The following COL12A1 variants were observed in gnomAD, a reference collection of about 807,000 sequenced individuals.
COL12A1 encodes collagen type XII alpha 1 chain.
Under a neutral mutation model 349.7 loss-of-function variants are expected in COL12A1, and 114 were observed. That is an observed-to-expected ratio of 0.33 (90% CI 0.28 to 0.38). The LOEUF is 0.38. Among genes scored for constraint, COL12A1 ranks in the 10% least tolerant of loss-of-function variants. COL12A1 has a pLI of 1.00. For missense variants in COL12A1, 3,284 were observed against 3,756.9 expected, an observed-to-expected ratio of 0.87 and a Z score of 3.29; for synonymous variants, 1,369 against 1,329.0, an observed-to-expected ratio of 1.03 and a Z score of -0.66.
At chr6:75,139,712 T>A (rs1240735200) in intron 27 of COL12A1, among the ~76,000 whole-genome samples, 2 of 152,152 alleles carry the variant, frequency 1.3e-5, no homozygotes, top group Non-Finnish European at 2.9e-5. Flanking sequence ...TTCCTATAGA[T>A]CACTAACCTT....
rs76140980 is a variant in COL12A1 at position 75,148,670 on chromosome 6, G to A, written c.4148-173C>T. Among the ~76,000 whole-genome samples, 6,046 of 152,174 alleles carry A rather than the reference G, an allele frequency of 0.04. 284 individuals are homozygous for A. The highest frequency in any genetic ancestry group is 0.11 in the African/African-American group (4,429 of 41,504). ...TTAGAGGCTCATCACCTGTAAGACCGTTATGAATAGGTAACTAAAAGGTTT... is the reference window on the plus strand; with the variant it reads ...TTAGAGGCTCATCACCTGTAAGACCATTATGAATAGGTAACTAAAAGGTTT... On this transcript the variant is annotated intron_variant, in intron 21 of 65. Coordinates refer to ENST00000322507, the MANE Select transcript of COL12A1 (RefSeq NM_004370.6).
chr6:75,102,803 T>C, intron 55 of COL12A1, 111 bp from the exon 56 acceptor site: 1 of 540,440 alleles, frequency 1.9e-6, no homozygotes, highest in South Asian at 8.9e-5. Context: ...ATATAATCTT[T>C]GTAAACTTTT....
intron 9 of COL12A1, 65 bp from the exon 10 acceptor site, chr6:75,183,717 G>T: frequency 6.5e-7 from 1 of 1,529,128 alleles, no homozygotes; most frequent in Non-Finnish European, 8.7e-7. Flanking sequence ...TACATATCTA[G>T]CTTTCTTAGT....
rs1582068338 is a variant in COL12A1, at chr6:75,112,856, T to C, written c.7950+348A>G. On this transcript the variant is annotated intron_variant, in intron 51 of 65. Transcript: ENST00000322507. ...TAAAAAGCAAGCAGAAGAAATATTA[T>C]CAATTAAAACATAATCCACTAAAAT... Among the ~76,000 whole-genome samples the C allele has an allele frequency of 5.3e-5, 8 of 151,690 alleles. 1 individual carries two copies. The highest frequency in any genetic ancestry group is 5.3e-4 in the Admixed American group (8 of 15,204).
chr6:75,178,959 C>A (rs1372173765), intron 11 of COL12A1, among the ~76,000 whole-genome samples: 3 of 152,120 alleles, frequency 2.0e-5, no homozygotes, highest in Admixed American at 6.5e-5. Flanking sequence ...AACAAATCAG[C>A]AGATAGACTG....
intron 34 of COL12A1, 128 bp downstream of exon 34, chr6:75,133,165 G>T: frequency 2.5e-6 from 2 of 796,174 alleles, no homozygotes; most frequent in Non-Finnish European, 3.7e-6. Flanking sequence ...GGTAAACTAT[G>T]GCTAATTTTT....
chr6:75,094,183 C>T (rs1162797340), intron 60 of COL12A1, among the ~76,000 whole-genome samples: 3 of 152,044 alleles, frequency 2.0e-5, no homozygotes, highest in African/African-American at 7.2e-5. Flanking sequence ...CATAAATGTC[C>T]AATTCTAAGT....
In COL12A1 at chr6:75,191,625, A is replaced by T. The variant is rs1487947108; in HGVS notation, c.394+76T>A. On this transcript the variant is annotated intron_variant, in intron 5 of 65. Transcript: ENST00000322507. ...ATAGGAATAAGATCAATCTATGTAT[A>T]TAATTGGAACATCTGTTCTATCCTA... is the stretch of plus-strand genomic sequence containing the variant. The T allele has an allele frequency of 3.2e-6, 3 of 937,590 alleles. No homozygotes were observed. The Admixed American group carries it at 7.5e-5, about 23-fold the overall frequency. 58.1% of individuals were successfully genotyped at this position (937,590 alleles called of 1,614,324 possible).
In COL12A1 at chr6:75,138,565, C is replaced by G. The variant is rs1387167054; in HGVS notation, c.5113G>C (p.Asp1705His). The change falls in exon 29 of 66, where the codon GAT becomes CAT. Residue 1705 changes from aspartate to histidine, a missense_variant. This residue lies in a region of COL12A1 where 2,601 missense variants were observed against 2,824.8 expected (regional missense o/e 0.92). Coordinates refer to ENST00000322507, the MANE Select transcript of COL12A1 (RefSeq NM_004370.6). ...TTTTCGAACACCAAAGTGTTTTCAT[C>G]TCCATTTAAGATGGTCTTGGAGAAA... Reference protein sequence around the residue: ...SDKMETILNGDENTLVFENLN... With the variant: ...SDKMETILNGHENTLVFENLN... 1 of 1,613,722 alleles carries G rather than the reference C, an allele frequency of 6.2e-7. No individual in the cohort carries two copies. Among genetic ancestry groups the G allele is most frequent in the Non-Finnish European group, 8.5e-7 (1 of 1,179,858 alleles).
At chr6:75,145,601 CTGA>C (rs1767137343) in intron 24 of COL12A1, 146 bp from the exon 25 acceptor site, 3 of 659,650 alleles carry the variant, frequency 4.5e-6, no homozygotes, top group South Asian at 9.7e-5. Flanking sequence ...CTTTTCCATG[CTGA>C]TGTTTTCTTT....
intron 21 of COL12A1, among the ~76,000 whole-genome samples, chr6:75,150,138 C>A (rs904350194): frequency 6.6e-6 from 1 of 152,076 alleles, no homozygotes; most frequent in African/African-American, 2.4e-5. Context: ...TTTTCCAAAA[C>A]CAAATTAAAT....
At chr6:75,202,045 T>G (rs1770555131) in intron 2 of COL12A1, among the ~76,000 whole-genome samples, 1 of 152,164 alleles carries the variant, frequency 6.6e-6, no homozygotes, top group Non-Finnish European at 1.5e-5. Context: ...TCAACCTGTC[T>G]GAGCTGGACC....
At chr6:75,176,217 G>C (rs1001274489) in intron 12 of COL12A1, among the ~76,000 whole-genome samples, 3 of 152,172 alleles carry the variant, frequency 2.0e-5, no homozygotes, top group Non-Finnish European at 4.4e-5. Flanking sequence ...ACAGTGAAAG[G>C]AGGAAGAGAG....
In COL12A1 at chr6:75,194,958, G is replaced by C; in HGVS notation, c.74-11C>G. On this transcript the variant is annotated splice_polypyrimidine_tract_variant and intron_variant, in intron 2 of 65. Transcript: ENST00000322507. ...CTGAAGGTGGGTCAACTGCAAAAGA[G>C]AGAGTTTATATTATTAAACTTTTCA... is the stretch of plus-strand genomic sequence containing the variant. 1 of 1,482,974 alleles carries C rather than the reference G, an allele frequency of 6.7e-7. No individual in the cohort carries two copies. The highest frequency in any genetic ancestry group is 1.2e-5 in the South Asian group (1 of 83,712). 91.9% of individuals were successfully genotyped at this position (1,482,974 alleles called of 1,614,324 possible).
At chr6:75,139,037 C>T in intron 27 of COL12A1, 76 bp from the exon 28 acceptor site, 3 of 1,537,866 alleles carry the variant, frequency 2.0e-6, no homozygotes, top group Non-Finnish European at 2.7e-6. Context: ...TAAAAACTGC[C>T]TTGTTTTATA....
At chr6:75,122,636 T>A (rs113783106) in intron 43 of COL12A1, among the ~76,000 whole-genome samples, 11 of 152,358 alleles carry the variant, frequency 7.2e-5, no homozygotes, top group African/African-American at 2.4e-4. Context: ...TTTTTAATTT[T>A]ACTTATATAA....
chr6:75,087,193 A>G (rs2149322059), intron 65 of COL12A1: 3 of 226,710 alleles, frequency 1.3e-5, no homozygotes, highest in South Asian at 1.3e-4. Context: ...TTACCCATAA[A>G]TTAGATTCCC....
At chr6:75,173,525 C>T (rs368581680) in intron 13 of COL12A1, among the ~76,000 whole-genome samples, 5 of 151,988 alleles carry the variant, frequency 3.3e-5, no homozygotes, top group Admixed American at 6.6e-5. Context: ...TACAGGCATG[C>T]GCCACCACGC....
At chr6:75,200,816 G>A (rs543870215) in intron 2 of COL12A1, among the ~76,000 whole-genome samples, 1 of 151,776 alleles carries the variant, frequency 6.6e-6, no homozygotes, top group Non-Finnish European at 1.5e-5. Context: ...TACATTTGTG[G>A]CTCATACCAT....
Sources: allele counts gnomAD v4.1 joint callset (sites outside exome capture counted in the v4.1 genomes callset), GRCh38; gene constraint gnomAD v4.1.1; regional missense constraint gnomAD v4.1.1; transcripts MANE v1.5; gene names NCBI Gene and HGNC (gene_info 2026-07-23, HGNC 2026-07-21).